PRP4K: variants seen among roughly 807,000 people sequenced by gnomAD.
PRP4K encodes the protein pre-mRNA processing factor kinase PRP4K.
the PRP4K span, among the ~76,000 whole-genome samples, chr6:4,023,038 TTTCCC>T: frequency 6.6e-6 from 1 of 152,232 alleles, no homozygotes; most frequent in Non-Finnish European, 1.5e-5. Context: ...TAATCTTTAA[TTTCCC>T]TTCCCTTCCC....
chr6:4,056,104 T>A, the PRP4K span, among the ~76,000 whole-genome samples: 48 of 150,622 alleles, frequency 3.2e-4, 1 homozygote, highest in Middle Eastern at 6.4e-3. Context: ...ATTTCCTCAC[T>A]GAAAACAGTT....
chr6:4,056,869 T>C, the PRP4K span: 2 of 1,059,486 alleles, frequency 1.9e-6, no homozygotes, highest in South Asian at 3.4e-5. Flanking sequence ...TTTGAGTCTC[T>C]ATTAAGAATT....
the PRP4K span, among the ~76,000 whole-genome samples, chr6:4,030,270 T>A: frequency 6.6e-6 from 1 of 152,174 alleles, no homozygotes; most frequent in Non-Finnish European, 1.5e-5. Flanking sequence ...GCCGCGTGGC[T>A]TAATGCTTAC....
the PRP4K span, among the ~76,000 whole-genome samples, chr6:4,050,979 G>A: frequency 6.6e-6 from 1 of 151,742 alleles, no homozygotes; most frequent in African/African-American, 2.4e-5. Context: ...GCATGATCTC[G>A]GCTCACTGTA....
chr6:4,052,682 T>C, the PRP4K span: 1 of 1,455,590 alleles, frequency 6.9e-7, no homozygotes, highest in Non-Finnish European at 9.2e-7. Context: ...GCATTTTAAC[T>C]CCTATTTTGT....
the PRP4K span, among the ~76,000 whole-genome samples, chr6:4,048,136 T>G: frequency 6.6e-6 from 1 of 151,952 alleles, no homozygotes; most frequent in Non-Finnish European, 1.5e-5. Flanking sequence ...CCCAGCACTT[T>G]GGGAGGCCGA....
At chr6:4,056,538 G>T in the PRP4K span, 3 of 1,603,524 alleles carry the variant, frequency 1.9e-6, no homozygotes, top group African/African-American at 1.3e-5. Context: ...AGCTGCACGA[G>T]TTCATTCATG....
the PRP4K span, chr6:4,060,759 A>T: frequency 2.6e-6 from 2 of 766,880 alleles, no homozygotes; most frequent in African/African-American, 1.8e-5. This position sits in a 1 kb window ranked among gnomAD's most constrained non-coding sequence, Gnocchi z 4.7. Flanking sequence ...ACCAAGGGTG[A>T]TATTTCTTTT....
At chr6:4,059,292 GGCGT>G in the PRP4K span, among the ~76,000 whole-genome samples, 1 of 152,178 alleles carries the variant, frequency 6.6e-6, no homozygotes, top group Non-Finnish European at 1.5e-5. Context: ...TTGGCCAGAA[GGCGT>G]GCTGGTTCAG....
At chr6:4,023,962 G>C in the PRP4K span, among the ~76,000 whole-genome samples, 1 of 151,608 alleles carries the variant, frequency 6.6e-6, no homozygotes, top group Non-Finnish European at 1.5e-5. Flanking sequence ...GGACTCCCTG[G>C]TTCAAGCAGT....
the PRP4K span, chr6:4,031,427 T>C: frequency 1.6e-6 from 1 of 641,818 alleles, no homozygotes. Context: ...TCTGAAGCTG[T>C]TCTGAAAAAA....
At chr6:4,052,440 G>T in the PRP4K span, among the ~76,000 whole-genome samples, 1 of 152,160 alleles carries the variant, frequency 6.6e-6, no homozygotes, top group African/African-American at 2.4e-5. Flanking sequence ...GTTTTCAGAT[G>T]TGAATCTATT....
the PRP4K span, among the ~76,000 whole-genome samples, chr6:4,059,041 C>A: frequency 6.6e-6 from 1 of 152,034 alleles, no homozygotes; most frequent in Non-Finnish European, 1.5e-5. Context: ...ATATTTAGGC[C>A]CTCGTCACAT....
the PRP4K span, among the ~76,000 whole-genome samples, chr6:4,043,263 G>A: frequency 7.2e-5 from 11 of 152,180 alleles, no homozygotes; most frequent in African/African-American, 2.4e-4. Flanking sequence ...AACTAATTCC[G>A]GAGGAAGCTT....
the PRP4K span, chr6:4,032,701 G>A: frequency 1.3e-6 from 2 of 1,597,028 alleles, no homozygotes; most frequent in Non-Finnish European, 1.7e-6. Context: ...GCCAAGAGCC[G>A]ATCCTTAGAA....
the PRP4K span, among the ~76,000 whole-genome samples, chr6:4,046,408 T>A: frequency 1.3e-5 from 2 of 152,202 alleles, no homozygotes; most frequent in African/African-American, 4.8e-5. Context: ...ATTCATATGG[T>A]TAAAGCGACT....
chr6:4,027,608 T>TGGGGTG, the PRP4K span, among the ~76,000 whole-genome samples: 1 of 30,938 alleles, frequency 3.2e-5, no homozygotes, highest in African/African-American at 1.3e-4. Flanking sequence ...GGTGGGGGGG[T>TGGGGTG]GGGGTGGGGG....
the PRP4K span, among the ~76,000 whole-genome samples, chr6:4,050,919 T>C: frequency 1.3e-5 from 2 of 151,796 alleles, no homozygotes; most frequent in African/African-American, 4.8e-5. Context: ...TTGTTTGTTT[T>C]GAGACAGGGT....
chr6:4,064,409 G>A, the PRP4K span: 1 of 152,338 alleles, frequency 6.6e-6, no homozygotes, highest in Non-Finnish European at 1.5e-5. Flanking sequence ...TAGCTATATG[G>A]GGTAGAAATA....
Sources: gnomAD v4.1 joint callset for allele counts (sites outside exome capture counted in the v4.1 genomes callset) on GRCh38, gnomAD v4.1.1 for gene constraint, Gnocchi (gnomAD v3.1) non-coding constraint, MANE v1.5 for transcripts, NCBI Gene and HGNC (gene_info 2026-07-23, HGNC 2026-07-21) for gene names.